The following WIPF3 variants were observed in gnomAD, a reference collection of about 807,000 sequenced individuals.
WIPF3 encodes the protein WAS/WASL interacting protein family member 3, also known as WAS/WASL-interacting protein family member 3.
In WIPF3, 33 loss-of-function variants were observed where a neutral mutation model predicts 38.9. The observed-to-expected ratio is 0.85, with a 90% CI of 0.64 to 1.14. The LOEUF (loss-of-function observed/expected upper bound fraction) is 1.14. WIPF3 is among the 50% of genes most tolerant of loss of function. The pLI, the probability that WIPF3 is intolerant of heterozygous loss-of-function variation, is 0.00. For synonymous variants in WIPF3, 324 were observed against 269.3 expected, an observed-to-expected ratio of 1.20 and a Z score of -1.99; for missense variants, 711 against 652.5, an observed-to-expected ratio of 1.09 and a Z score of -0.98.
chr7:29,906,191 A>AG (rs148939595), intron 8 of WIPF3: 1 of 152,156 alleles, frequency 6.6e-6, no homozygotes, highest in Non-Finnish European at 1.5e-5. Context: ...AAGAAAAAAA[A>AG]CAAATCAATA....
chr7:29,874,526 T>A (rs1349785893), intron 2 of WIPF3, among the ~76,000 whole-genome samples: 1 of 152,172 alleles, frequency 6.6e-6, no homozygotes, highest in East Asian at 1.9e-4. Context: ...AGTGGTGATA[T>A]TTAAGCTGAA....
At chr7:29,871,281 C>G (rs562059324) in intron 2 of WIPF3, among the ~76,000 whole-genome samples, 8 of 152,302 alleles carry the variant, frequency 5.3e-5, no homozygotes, top group Non-Finnish European at 1.5e-5. Flanking sequence ...GGGATTCAGA[C>G]TTGGTAATGA....
At chr7:29,836,322 G>A (rs1211955640) in intron 2 of WIPF3, among the ~76,000 whole-genome samples, 2 of 152,118 alleles carry the variant, frequency 1.3e-5, no homozygotes, top group African/African-American at 2.4e-5. Flanking sequence ...CATAAATTTA[G>A]CCAGAATAAA....
chr7:29,908,268 A>T (rs1583631772), intron 8 of WIPF3, among the ~76,000 whole-genome samples: 1 of 152,372 alleles, frequency 6.6e-6, no homozygotes. Context: ...AGGACATTAT[A>T]TGTTAATACA....
At position 29,875,976 on chromosome 7, in the gene WIPF3, C is replaced by T. The variant is rs772952418; in HGVS notation, c.223+14C>T. ...CGCAGATCGAGAGTAAGTGAGCAGC[C>T]GGGCCAGGCCTCCTGTGAGCCAAAG... On this transcript the variant is annotated intron_variant, in intron 3 of 8. Transcript: ENST00000242140. 50 of 1,611,754 alleles carry T rather than the reference C, an allele frequency of 3.1e-5. No individual in the cohort carries two copies. Among genetic ancestry groups the T allele is most frequent in the Admixed American group, 8.3e-5 (5 of 59,980 alleles).
chr7:29,815,228 G>T (rs937651123), intron 1 of WIPF3, among the ~76,000 whole-genome samples: 1 of 152,008 alleles, frequency 6.6e-6, no homozygotes, highest in African/African-American at 2.4e-5. Context: ...ACAGTCAGAG[G>T]AGACAAAAGG....
chr7:29,911,130 C>T (rs1260192537), intron 8 of WIPF3, among the ~76,000 whole-genome samples: 3 of 151,922 alleles, frequency 2.0e-5, no homozygotes, highest in African/African-American at 7.2e-5. Flanking sequence ...AATGAGCAAT[C>T]TGTAACGAAA....
chr7:29,814,105 G>C (rs1033475072), intron 1 of WIPF3, among the ~76,000 whole-genome samples: 4 of 152,194 alleles, frequency 2.6e-5, no homozygotes, highest in African/African-American at 9.6e-5. Flanking sequence ...ATTTTTAGTA[G>C]AGATGGGGTT....
chr7:29,861,870 G>A (rs974082855), intron 2 of WIPF3, among the ~76,000 whole-genome samples: 13 of 152,140 alleles, frequency 8.5e-5, no homozygotes, highest in Middle Eastern at 3.2e-3. Context: ...TGTTGTCATC[G>A]TTATTTGGGG....
intron 1 of WIPF3, among the ~76,000 whole-genome samples, chr7:29,830,632 AAAAAG>A (rs1283045034): frequency 2.0e-5 from 3 of 151,864 alleles, no homozygotes; most frequent in Admixed American, 6.6e-5. Context: ...AAAAAAAAAA[AAAAAG>A]AAAGAAAGAA....
chr7:29,868,948 G>A (rs1305914861), intron 2 of WIPF3, among the ~76,000 whole-genome samples: 5 of 152,050 alleles, frequency 3.3e-5, no homozygotes, highest in Non-Finnish European at 7.4e-5. Flanking sequence ...TGCAGAGAAT[G>A]TGCACACACG....
At chr7:29,808,618 T>G (rs1375240260) in intron 1 of WIPF3, among the ~76,000 whole-genome samples, 1 of 152,172 alleles carries the variant, frequency 6.6e-6, no homozygotes. Context: ...TAGGAGTCTC[T>G]GTTTTCACGT....
chr7:29,881,487 CT>C (rs1290001197), intron 4 of WIPF3, among the ~76,000 whole-genome samples: 4 of 152,240 alleles, frequency 2.6e-5, no homozygotes, highest in African/African-American at 9.6e-5. Flanking sequence ...ATTTAAATTT[CT>C]TTTAAAATCA....
At chr7:29,855,475 A>C (rs1785172083) in intron 2 of WIPF3, among the ~76,000 whole-genome samples, 1 of 152,254 alleles carries the variant, frequency 6.6e-6, no homozygotes, top group Non-Finnish European at 1.5e-5. Flanking sequence ...AATTGTGTCA[A>C]TTCCTTGCAA....
intron 1 of WIPF3, among the ~76,000 whole-genome samples, chr7:29,825,635 A>G (rs1784604300): frequency 6.6e-6 from 1 of 152,220 alleles, no homozygotes; most frequent in South Asian, 2.1e-4. Flanking sequence ...TCAGTGATAA[A>G]TATTATTAAT....
intron 2 of WIPF3, among the ~76,000 whole-genome samples, chr7:29,875,123 ATCT>A (rs1785563728): frequency 6.6e-6 from 1 of 152,138 alleles, no homozygotes; most frequent in Non-Finnish European, 1.5e-5. Context: ...ATTCATTGTA[ATCT>A]TCTGCATTCC....
rs148130170 is a variant in WIPF3 at position 29,832,251 on chromosome 7, C to A, written c.-57-2417C>A. ...TGAATAAAAGATCATAAAAAATAGA[C>A]CCAGTGCCTCCTGTAAAAGAAAGTG... On this transcript the variant is annotated intron_variant, in intron 1 of 8. Coordinates refer to ENST00000242140, the MANE Select transcript of WIPF3 (RefSeq NM_001080529.3). 5.5e-3 allele frequency among the ~76,000 whole-genome samples: 840 copies of A among 152,246 alleles called. 5 individuals carry two copies. The highest frequency in any genetic ancestry group is 0.019 in the African/African-American group (773 of 41,544).
At chr7:29,831,824 A>G (rs893110111) in intron 1 of WIPF3, among the ~76,000 whole-genome samples, 2 of 152,218 alleles carry the variant, frequency 1.3e-5, no homozygotes, top group African/African-American at 2.4e-5. Context: ...GAACCAGCCC[A>G]GAAGTAATAG....
At chr7:29,913,385 G>C (rs1786542734) in intron 8 of WIPF3, among the ~76,000 whole-genome samples, 1 of 148,842 alleles carries the variant, frequency 6.7e-6, no homozygotes, top group Non-Finnish European at 1.5e-5. Context: ...TAAATTTTAT[G>C]TTATTTATAT....
Sources: allele counts gnomAD v4.1 joint callset (sites outside exome capture counted in the v4.1 genomes callset), GRCh38; gene constraint gnomAD v4.1.1; transcripts MANE v1.5; gene names NCBI Gene and HGNC (gene_info 2026-07-23, HGNC 2026-07-21).